Variants in ADCY2 observed in about 807,000 individuals in gnomAD.
ADCY2 encodes adenylate cyclase type 2.
A neutral mutation model predicts 125.2 loss-of-function variants in ADCY2; 31 were observed. The observed-to-expected ratio is 0.25, with a 90% CI of 0.19 to 0.33. ADCY2 has a LOEUF of 0.33. Ranked by LOEUF, ADCY2 falls within the 10% of genes least tolerant of loss-of-function variation. ADCY2 has a pLI of 1.00. For missense variants in ADCY2, 904 were observed against 1,418.2 expected, an observed-to-expected ratio of 0.64 and a Z score of 5.82; for synonymous variants, 512 against 548.4, an observed-to-expected ratio of 0.93 and a Z score of 0.93.
At chr5:7,574,486 C>T (rs1244319945) in intron 3 of ADCY2, among the ~76,000 whole-genome samples, 1 of 152,146 alleles carries the variant, frequency 6.6e-6, no homozygotes, top group Non-Finnish European at 1.5e-5. Context: ...AAAAAACAAA[C>T]CCATGGCAAT....
intron 4 of ADCY2, among the ~76,000 whole-genome samples, chr5:7,629,529 C>T (rs959560427): frequency 2.0e-5 from 3 of 152,128 alleles, no homozygotes; most frequent in Admixed American, 1.3e-4. Flanking sequence ...AAAAATGTTG[C>T]TAGAGATTTT....
intron 3 of ADCY2, among the ~76,000 whole-genome samples, chr5:7,543,785 G>A (rs949696772): frequency 3.3e-5 from 5 of 151,896 alleles, no homozygotes; most frequent in Admixed American, 3.3e-4. Context: ...AGGCCGAGGT[G>A]GGCGGATCAC....
At chr5:7,591,789 C>T (rs115333661) in intron 3 of ADCY2, among the ~76,000 whole-genome samples, 2 of 152,074 alleles carry the variant, frequency 1.3e-5, no homozygotes, top group Non-Finnish European at 2.9e-5. Flanking sequence ...GGATATTATG[C>T]CTCTGAGTTT....
intron 2 of ADCY2, among the ~76,000 whole-genome samples, chr5:7,446,776 C>T (rs766643): frequency 0.81 from 122,542 of 152,114 alleles, 49,867 homozygotes; most frequent in African/African-American, 0.88. Context: ...TCTTGCCATG[C>T]GGTCTATTTG....
At chr5:7,678,525 TAC>T (rs1011148651) in intron 4 of ADCY2, among the ~76,000 whole-genome samples, 1 of 152,206 alleles carries the variant, frequency 6.6e-6, no homozygotes, top group Non-Finnish European at 1.5e-5. Flanking sequence ...GAGAGAGATG[TAC>T]ACACACACAT....
Position 7,802,132 on chromosome 5 carries a change from TG to T in ADCY2, c.2629-84del. 6.7e-7 allele frequency: 1 copy of T among 1,485,022 alleles called. No homozygotes were observed. Among genetic ancestry groups the T allele is most frequent in the East Asian group, 2.3e-5 (1 of 43,992 alleles). The allele number at this position is 1,485,022 out of a possible 1,614,324, so 92.0% of individuals were successfully genotyped here. On this transcript the variant is annotated intron_variant, in intron 20 of 24. Coordinates refer to ENST00000338316, the MANE Select transcript of ADCY2 (RefSeq NM_020546.3). The surrounding 1 kb of genome is among the most constrained non-coding windows in gnomAD (Gnocchi z 4.6). ...ATTTGGGCGATGTCTGTGTGAATCC[TG>T]GCATAAACAAGCCACTTGCCTGTGG... is the stretch of plus-strand genomic sequence containing the variant.
chr5:7,789,857 G>T, intron 20 of ADCY2, 57 bp downstream of exon 20: 1 of 1,391,384 alleles, frequency 7.2e-7, no homozygotes. Context: ...GATGACCTGG[G>T]TGAGGGCTGA....
chr5:7,630,156 CT>C (rs959097625), intron 4 of ADCY2, among the ~76,000 whole-genome samples: 1 of 152,024 alleles, frequency 6.6e-6, no homozygotes, highest in Non-Finnish European at 1.5e-5. Context: ...TGGCTGTAGT[CT>C]TTCTGGCTGT....
chr5:7,787,937 C>A (rs1010437944), intron 19 of ADCY2, among the ~76,000 whole-genome samples: 8 of 152,164 alleles, frequency 5.3e-5, no homozygotes, highest in African/African-American at 1.9e-4. Flanking sequence ...GGTTTCATCT[C>A]ATGCTTCACT....
At chr5:7,559,194 A>G (rs1735630424) in intron 3 of ADCY2, among the ~76,000 whole-genome samples, 1 of 152,020 alleles carries the variant, frequency 6.6e-6, no homozygotes, top group South Asian at 2.1e-4. Context: ...TAAAACAGTT[A>G]TTTCTAGTTT....
chr5:7,556,032 T>G (rs1014088311), intron 3 of ADCY2, among the ~76,000 whole-genome samples: 1 of 152,208 alleles, frequency 6.6e-6, no homozygotes, highest in African/African-American at 2.4e-5. Flanking sequence ...ATAAAAATGA[T>G]AAAAAACTTA....
chr5:7,621,590 A>G (rs564334200), intron 3 of ADCY2, among the ~76,000 whole-genome samples: 1 of 152,322 alleles, frequency 6.6e-6, no homozygotes, highest in Non-Finnish European at 1.5e-5. Flanking sequence ...TGCCTCGTCT[A>G]TAAGATGAAA....
intron 4 of ADCY2, among the ~76,000 whole-genome samples, chr5:7,684,868 G>GAAAGCA (rs762305752): frequency 6.6e-6 from 1 of 151,630 alleles, no homozygotes; most frequent in Non-Finnish European, 1.5e-5. Flanking sequence ...TGCATGCAAG[G>GAAAGCA]AAAGCACTTG....
At chr5:7,466,598 G>A (rs1395887472) in intron 2 of ADCY2, among the ~76,000 whole-genome samples, 1 of 152,188 alleles carries the variant, frequency 6.6e-6, no homozygotes, top group Non-Finnish European at 1.5e-5. Flanking sequence ...TGAGCATTTG[G>A]AAGAGAAGTG....
At chr5:7,549,973 T>A (rs996836870) in intron 3 of ADCY2, among the ~76,000 whole-genome samples, 2 of 152,164 alleles carry the variant, frequency 1.3e-5, no homozygotes, top group Non-Finnish European at 2.9e-5. Context: ...AATGTTCTCA[T>A]CTAGTGGCCC....
At chr5:7,403,690 T>G (rs1051798313) in intron 1 of ADCY2, among the ~76,000 whole-genome samples, 2 of 152,182 alleles carry the variant, frequency 1.3e-5, no homozygotes, top group Admixed American at 6.5e-5. Context: ...TTCTTTTACT[T>G]GTCTTTTTGT....
intron 14 of ADCY2, among the ~76,000 whole-genome samples, chr5:7,735,380 C>T (rs1742218918): frequency 6.6e-6 from 1 of 152,148 alleles, no homozygotes; most frequent in Non-Finnish European, 1.5e-5. Context: ...TAGAAGTAGC[C>T]ACAGCACACA....
At chr5:7,438,004 TAAGAA>T (rs1371221868) in intron 2 of ADCY2, among the ~76,000 whole-genome samples, 2 of 152,300 alleles carry the variant, frequency 1.3e-5, no homozygotes, top group East Asian at 1.9e-4. Flanking sequence ...ATCATCTTGA[TAAGAA>T]AAGAAAAGAA....
At chr5:7,502,909 G>A (rs1231297758) in intron 2 of ADCY2, among the ~76,000 whole-genome samples, 1 of 152,142 alleles carries the variant, frequency 6.6e-6, no homozygotes, top group Non-Finnish European at 1.5e-5. Flanking sequence ...AGTTCTTCCT[G>A]AGGCAGTTGT....
Sources: allele counts gnomAD v4.1 joint callset (sites outside exome capture counted in the v4.1 genomes callset), GRCh38; gene constraint gnomAD v4.1.1; non-coding constraint Gnocchi (gnomAD v3.1); transcripts MANE v1.5; gene names NCBI Gene and HGNC (gene_info 2026-07-23, HGNC 2026-07-21).